SYBU: variants seen among roughly 807,000 people sequenced by gnomAD.
SYBU encodes the protein GOLSYN A protein.
SYBU carries 21 observed loss-of-function variants against 35.9 expected under a neutral mutation model. That is an observed-to-expected ratio of 0.58 (90% CI 0.41 to 0.84). The LOEUF (loss-of-function observed/expected upper bound fraction) is 0.84, where lower values mean the gene tolerates loss of function less well. Among genes scored for constraint, SYBU ranks in the 40% least tolerant of loss-of-function variants. The pLI, the probability that SYBU is intolerant of heterozygous loss-of-function variation, is 0.00. For synonymous variants in SYBU, 319 were observed against 324.3 expected, an observed-to-expected ratio of 0.98 and a Z score of 0.18; for missense variants, 768 against 848.2, an observed-to-expected ratio of 0.91 and a Z score of 1.17.
chr8:109,670,681 G>T (rs2130763395), intron 1 of SYBU, among the ~76,000 whole-genome samples: 1 of 152,062 alleles, frequency 6.6e-6, no homozygotes, highest in South Asian at 2.1e-4. Flanking sequence ...TTAAACATAA[G>T]ATCTTTAAAT....
chr8:109,642,266 G>A (rs1339570468), intron 2 of SYBU, among the ~76,000 whole-genome samples: 1 of 151,734 alleles, frequency 6.6e-6, no homozygotes, highest in Non-Finnish European at 1.5e-5. Context: ...TGGACACAGG[G>A]AGGGGAACAT....
chr8:109,597,503 A>C (rs1157042175), intron 3 of SYBU, among the ~76,000 whole-genome samples: 1 of 151,990 alleles, frequency 6.6e-6, no homozygotes, highest in Non-Finnish European at 1.5e-5. Flanking sequence ...AGATCAATTG[A>C]GCCCAGGGGT....
intron 1 of SYBU, among the ~76,000 whole-genome samples, chr8:109,658,759 G>A (rs1816450648): frequency 6.6e-6 from 1 of 152,158 alleles, no homozygotes; most frequent in African/African-American, 2.4e-5. Flanking sequence ...TTTGAGACTA[G>A]CTTGACCAAC....
Position 109,579,934 on chromosome 8 carries a change from C to A in SYBU, c.599G>T (p.Arg200Leu). Residue 200 changes from arginine (R) to leucine (L), a missense_variant, in exon 5 of 7, where the codon CGG (arginine) becomes CTG (leucine). Arg to Leu is a moderately radical substitution (Grantham distance 102). Coordinates refer to ENST00000276646, the MANE Select transcript of SYBU (RefSeq NM_001099754.2). The stretch of plus-strand genomic sequence containing the variant: ...CAGCATGGACAGAAGGTCCTTTTCC[C>A]GCGGGGATGATGGGCTGCTGCCAGG... ...HKPGSSPSSP[R>L]EKDLLSMLCR... The A allele has an allele frequency of 1.2e-6, 2 of 1,613,906 alleles. No homozygotes were observed. The highest frequency in any genetic ancestry group is 1.7e-6 in the Non-Finnish European group (2 of 1,180,024).
At chr8:109,587,029 G>A (rs772707297) in intron 3 of SYBU, among the ~76,000 whole-genome samples, 2 of 152,110 alleles carry the variant, frequency 1.3e-5, no homozygotes, top group Non-Finnish European at 2.9e-5. Flanking sequence ...AGGTGGAAGA[G>A]GCAAGCTAGA....
chr8:109,659,014 G>A (rs1816466224), intron 1 of SYBU, among the ~76,000 whole-genome samples: 1 of 151,820 alleles, frequency 6.6e-6, no homozygotes, highest in Non-Finnish European at 1.5e-5. Flanking sequence ...CACCTGCTTG[G>A]CCTCTTTAAA....
upstream of SYBU, chr8:109,681,058 C>G (rs572380011): frequency 8.5e-5 from 13 of 152,338 alleles, no homozygotes; most frequent in South Asian, 2.5e-3. Context: ...AAACGAGCAA[C>G]ACGATGAATG....
intron 2 of SYBU, among the ~76,000 whole-genome samples, chr8:109,623,820 A>G (rs1812694063): frequency 6.6e-6 from 1 of 152,178 alleles, no homozygotes; most frequent in Non-Finnish European, 1.5e-5. Context: ...TTATAAACCC[A>G]TAATTCTTAT....
intron 2 of SYBU, among the ~76,000 whole-genome samples, chr8:109,625,776 AT>A (rs1482596744): frequency 6.6e-6 from 1 of 152,042 alleles, no homozygotes; most frequent in Admixed American, 6.6e-5. Context: ...GTTTGTTTTA[AT>A]TTTTCTCACT....
chr8:109,679,476 G>A (rs965396208), intron 1 of SYBU, among the ~76,000 whole-genome samples: 2 of 152,156 alleles, frequency 1.3e-5, no homozygotes, highest in East Asian at 1.9e-4. Context: ...GGTCTGGATC[G>A]GGACCCCTTT....
intron 1 of SYBU, among the ~76,000 whole-genome samples, chr8:109,660,266 C>A (rs1052033512): frequency 2.0e-5 from 3 of 152,224 alleles, no homozygotes; most frequent in Non-Finnish European, 2.9e-5. Context: ...CAGTTTTAAC[C>A]AATGGCTTCC....
At chr8:109,588,424 C>G (rs1394263002) in intron 3 of SYBU, among the ~76,000 whole-genome samples, 1 of 152,218 alleles carries the variant, frequency 6.6e-6, no homozygotes, top group Non-Finnish European at 1.5e-5. Context: ...GCACTTTCCT[C>G]TCTTACCTTC....
chr8:109,629,316 A>T (rs544596022), intron 2 of SYBU, among the ~76,000 whole-genome samples: 1 of 152,216 alleles, frequency 6.6e-6, no homozygotes, highest in Non-Finnish European at 1.5e-5. Context: ...TTAACTACCA[A>T]GCACTGTTCT....
At chr8:109,655,578 T>C (rs1350854983) in intron 1 of SYBU, among the ~76,000 whole-genome samples, 1 of 152,220 alleles carries the variant, frequency 6.6e-6, no homozygotes, top group African/African-American at 2.4e-5. Flanking sequence ...GTGGACTCAT[T>C]TCTCTTGAGT....
chr8:109,584,446 A>C lies in SYBU; in HGVS notation c.530+1614T>G, dbSNP rs1324425797. 6.6e-6 allele frequency among the ~76,000 whole-genome samples: 1 copy of C among 151,984 alleles called. No homozygotes were observed. The highest frequency in any genetic ancestry group is 2.4e-5 in the African/African-American group (1 of 41,384). ...TCCTTTTTTATCTTTTTGCCTTTCT[A>C]TATTGTTTGATACTTTGTTCCATGT... On this transcript the variant is annotated intron_variant, in intron 4 of 6. Transcript: ENST00000276646. This position sits in a 1 kb window ranked among gnomAD's most constrained non-coding sequence, Gnocchi z 4.0.
intron 6 of SYBU, 49 bp from the exon 7 acceptor site, chr8:109,576,062 A>AC: frequency 2.0e-6 from 3 of 1,494,498 alleles, no homozygotes; most frequent in East Asian, 2.4e-5. Flanking sequence ...AAAAAAAAAA[A>AC]AAAAAAAACT....
At chr8:109,579,273 G>A (rs1822726812) in intron 5 of SYBU, among the ~76,000 whole-genome samples, 1 of 152,114 alleles carries the variant, frequency 6.6e-6, no homozygotes, top group Non-Finnish European at 1.5e-5. Flanking sequence ...AATCTCATAT[G>A]AATTAACTTG....
chr8:109,619,794 G>A (rs1302828629), intron 2 of SYBU, among the ~76,000 whole-genome samples: 1 of 152,176 alleles, frequency 6.6e-6, no homozygotes, highest in Non-Finnish European at 1.5e-5. Context: ...GGTTAACAGA[G>A]TTTGAAAGAT....
At chr8:109,690,507 G>A (rs947343009) in intron 1 of SYBU, among the ~76,000 whole-genome samples, 2 of 152,226 alleles carry the variant, frequency 1.3e-5, no homozygotes, top group African/African-American at 4.8e-5. Context: ...AGGCTCTGGG[G>A]TCAGGGCCAG....
Sources: allele counts gnomAD v4.1 joint callset (sites outside exome capture counted in the v4.1 genomes callset), GRCh38; gene constraint gnomAD v4.1.1; non-coding constraint Gnocchi (gnomAD v3.1); transcripts MANE v1.5; gene names NCBI Gene and HGNC (gene_info 2026-07-23, HGNC 2026-07-21).